Variants in EXOC4 observed in about 807,000 individuals in gnomAD.
EXOC4 encodes exocyst complex component 4.
Under a neutral mutation model 107.2 loss-of-function variants are expected in EXOC4, and 71 were observed. That is an observed-to-expected ratio of 0.66 (90% CI 0.55 to 0.81). The LOEUF (loss-of-function observed/expected upper bound fraction) is 0.81, where lower values mean the gene tolerates loss of function less well. EXOC4 is among the 30% of genes least tolerant of loss of function. The pLI is 0.00. For synonymous variants in EXOC4, 456 were observed against 441.2 expected, an observed-to-expected ratio of 1.03 and a Z score of -0.42; for missense variants, 1,108 against 1,189.6, an observed-to-expected ratio of 0.93 and a Z score of 1.01.
At chr7:133,334,050 T>C (rs1795453534) in intron 5 of EXOC4, among the ~76,000 whole-genome samples, 1 of 152,244 alleles carries the variant, frequency 6.6e-6, no homozygotes, top group Admixed American at 6.5e-5. Context: ...CTTATGGTTA[T>C]GTTATTTATT....
chr7:133,713,149 A>T (rs1794929128), intron 10 of EXOC4, among the ~76,000 whole-genome samples: 1 of 152,252 alleles, frequency 6.6e-6, no homozygotes, highest in African/African-American at 2.4e-5. Flanking sequence ...GAAAAAAAAT[A>T]GCTAAGAATT....
At chr7:133,926,428 T>C (rs1240343040) in intron 13 of EXOC4, among the ~76,000 whole-genome samples, 1 of 152,256 alleles carries the variant, frequency 6.6e-6, no homozygotes, top group Non-Finnish European at 1.5e-5. Flanking sequence ...CAGACATTTA[T>C]CATATAAGCA....
At chr7:133,632,650 T>A (rs1206046860) in intron 10 of EXOC4, among the ~76,000 whole-genome samples, 1 of 152,206 alleles carries the variant, frequency 6.6e-6, no homozygotes, top group Non-Finnish European at 1.5e-5. Context: ...ATTATCACGC[T>A]TGTGTATTTT....
intron 11 of EXOC4, among the ~76,000 whole-genome samples, chr7:133,870,510 G>T (rs1798729582): frequency 6.6e-6 from 1 of 152,194 alleles, no homozygotes; most frequent in African/African-American, 2.4e-5. Flanking sequence ...TGCATAATTG[G>T]TTTTCATTAA....
rs549092855 is a variant in EXOC4, at chr7:133,673,314, G to A, written c.1514+43173G>A. Among the ~76,000 whole-genome samples, 194 of 152,280 alleles carry A rather than the reference G, an allele frequency of 1.3e-3. 1 individual carries two copies. Among genetic ancestry groups the A allele is most frequent in the African/African-American group, 4.3e-3 (180 of 41,558 alleles). On this transcript the variant is annotated intron_variant, in intron 10 of 17. Transcript: ENST00000253861. ...GTGGTAACTGGTAGGAAGTTATTGT[G>A]TATGGTTAAAAAGTAGATTTTACCC... is the stretch of plus-strand genomic sequence containing the variant.
intron 7 of EXOC4, among the ~76,000 whole-genome samples, chr7:133,472,915 A>C (rs1348033101): frequency 6.6e-6 from 1 of 152,228 alleles, no homozygotes; most frequent in Non-Finnish European, 1.5e-5. Flanking sequence ...TTTTGAGGTC[A>C]GTATTTTATT....
intron 2 of EXOC4, among the ~76,000 whole-genome samples, chr7:133,281,646 A>C (rs1373933997): frequency 6.6e-6 from 1 of 151,102 alleles, no homozygotes; most frequent in Non-Finnish European, 1.5e-5. Context: ...GCATGCTCAG[A>C]GGCATTTCCT....
chr7:133,445,563 A>G (rs953016144), intron 7 of EXOC4, among the ~76,000 whole-genome samples: 9 of 152,190 alleles, frequency 5.9e-5, no homozygotes, highest in African/African-American at 1.9e-4. Context: ...ACAAAATAAA[A>G]TAAAACAAAA....
At chr7:133,515,317 T>C (rs541570493) in intron 9 of EXOC4, among the ~76,000 whole-genome samples, 1 of 146,388 alleles carries the variant, frequency 6.8e-6, no homozygotes, top group South Asian at 2.2e-4. Context: ...CTCCAATCAG[T>C]AGCCCAAGTG....
intron 7 of EXOC4, among the ~76,000 whole-genome samples, chr7:133,400,277 A>G (rs1356332342): frequency 2.6e-5 from 4 of 152,202 alleles, no homozygotes; most frequent in African/African-American, 7.2e-5. Flanking sequence ...GTTATTCTAC[A>G]TATAATCTAA....
At chr7:133,264,034 AC>A (rs1793652497) in intron 1 of EXOC4, among the ~76,000 whole-genome samples, 1 of 152,176 alleles carries the variant, frequency 6.6e-6, no homozygotes, top group African/African-American at 2.4e-5. Flanking sequence ...ATCACTGTGG[AC>A]AATGCTTGGA....
chr7:133,895,679 C>G lies in EXOC4; in HGVS notation c.1815C>G (p.Leu605=), dbSNP rs1189463047. 6.2e-7 allele frequency: 1 copy of G among 1,614,014 alleles called. No homozygotes were observed. ...HDLSAYSDQF[L]NMVCVKLQEY... ...TGAGTGCATATTCAGATCAATTCCT[C>G]AACATGGTGTGCGTGAAGCTCCAGG... is the stretch of plus-strand genomic sequence containing the variant. The change falls in exon 12 of 18, where the codon CTC becomes CTG. Residue 605 remains leucine (L), a synonymous_variant. Coordinates refer to ENST00000253861, the MANE Select transcript of EXOC4 (RefSeq NM_021807.4).
chr7:133,255,796 A>T (rs1473461400), intron 1 of EXOC4, among the ~76,000 whole-genome samples: 1 of 152,132 alleles, frequency 6.6e-6, no homozygotes, highest in African/African-American at 2.4e-5. Flanking sequence ...GAATGAGAGG[A>T]CAATGGAAGT....
At chr7:133,398,760 T>G (rs1410644188) in intron 7 of EXOC4, among the ~76,000 whole-genome samples, 1 of 152,222 alleles carries the variant, frequency 6.6e-6, no homozygotes, top group Non-Finnish European at 1.5e-5. Flanking sequence ...TCGATTACTT[T>G]TAGTTCCTTT....
chr7:134,007,734 C>G lies in EXOC4; in HGVS notation c.2586C>G (p.Ile862Met). ...ATGGTGCCCAGTACTTCAGGCGCAT[C>G]AGTGAGTCTGGCATCAAGAAAATGT... Reference protein sequence around the residue: ...LINGAQYFRRISESGIKKMCR... With the variant: ...LINGAQYFRRMSESGIKKMCR... The change falls in exon 17 of 18, where the codon ATC (isoleucine) becomes ATG (methionine). Residue 862 changes from isoleucine to methionine, a missense_variant. By Grantham distance (10) the Ile-to-Met change is conservative (BLOSUM62 1). Transcript: ENST00000253861. 1 of 1,613,574 alleles carries G rather than the reference C, an allele frequency of 6.2e-7. No individual in the cohort carries two copies. Among genetic ancestry groups the G allele is most frequent in the East Asian group, 2.2e-5 (1 of 44,858 alleles).
At chr7:133,660,593 G>A (rs1256777379) in intron 10 of EXOC4, among the ~76,000 whole-genome samples, 1 of 152,114 alleles carries the variant, frequency 6.6e-6, no homozygotes, top group African/African-American at 2.4e-5. Context: ...TGTCTTAGTG[G>A]AACTCTGCAA....
At chr7:133,348,225 A>T (rs961457333) in intron 5 of EXOC4, among the ~76,000 whole-genome samples, 3 of 152,124 alleles carry the variant, frequency 2.0e-5, no homozygotes, top group Non-Finnish European at 2.9e-5. Flanking sequence ...TTTTCAGCTG[A>T]TGTAAGTGAA....
intron 7 of EXOC4, among the ~76,000 whole-genome samples, chr7:133,438,275 A>G (rs1020130613): frequency 2.0e-5 from 3 of 152,154 alleles, no homozygotes; most frequent in Non-Finnish European, 2.9e-5. Context: ...ACACTGATGG[A>G]ATTAATCCCT....
At chr7:133,983,093 C>T (rs1794032770) in intron 14 of EXOC4, among the ~76,000 whole-genome samples, 1 of 151,716 alleles carries the variant, frequency 6.6e-6, no homozygotes, top group Non-Finnish European at 1.5e-5. Context: ...CCAGTCATAG[C>T]AGAAGGAAAA....
Sources: gnomAD v4.1 joint callset for allele counts (sites outside exome capture counted in the v4.1 genomes callset) on GRCh38, gnomAD v4.1.1 for gene constraint, MANE v1.5 for transcripts, NCBI Gene and HGNC (gene_info 2026-07-23, HGNC 2026-07-21) for gene names.